CMIP: variants seen among roughly 807,000 people sequenced by gnomAD.
CMIP encodes C-Maf-inducing protein.
Under a neutral mutation model 97.3 loss-of-function variants are expected in CMIP, and 13 were observed. The ratio of observed to expected loss-of-function variants is 0.13; its 90% CI spans 0.09 to 0.21. CMIP has a LOEUF of 0.21. Among genes scored for constraint, CMIP ranks in the 10% least tolerant of loss-of-function variants. The pLI is 1.00. For synonymous variants in CMIP, 538 were observed against 436.3 expected, an observed-to-expected ratio of 1.23 and a Z score of -2.91; for missense variants, 847 against 1,024.9, an observed-to-expected ratio of 0.83 and a Z score of 2.37.
At chr16:81,523,785 A>T (rs1306037636) in intron 1 of CMIP, among the ~76,000 whole-genome samples, 1 of 152,216 alleles carries the variant, frequency 6.6e-6, no homozygotes, top group African/African-American at 2.4e-5. Flanking sequence ...AGGTGAGCTG[A>T]GTCACCACCA....
At chr16:81,508,494 A>G (rs1007314402) in intron 1 of CMIP, among the ~76,000 whole-genome samples, 10 of 152,130 alleles carry the variant, frequency 6.6e-5, no homozygotes, top group African/African-American at 1.7e-4. Flanking sequence ...CCATAGCTCT[A>G]TTTGGTCATT....
intron 1 of CMIP, among the ~76,000 whole-genome samples, chr16:81,575,468 C>T (rs188439563): frequency 6.6e-6 from 1 of 152,242 alleles, no homozygotes; most frequent in Admixed American, 6.5e-5. Context: ...TGTCCCGAGT[C>T]GAGTCCGTAG....
At chr16:81,465,177 C>G (rs914019366) in intron 1 of CMIP, among the ~76,000 whole-genome samples, 1 of 152,154 alleles carries the variant, frequency 6.6e-6, no homozygotes, top group African/African-American at 2.4e-5. Flanking sequence ...CAGAAGAAAA[C>G]CAAATCCACC....
intron 10 of CMIP, among the ~76,000 whole-genome samples, chr16:81,689,235 T>C (rs911298928): frequency 6.6e-5 from 10 of 152,264 alleles, no homozygotes; most frequent in Admixed American, 4.6e-4. Flanking sequence ...ATCTCCACAC[T>C]GTCTTCCACA....
chr16:81,495,951 C>CCCCAGCTCG (rs2089482651), intron 1 of CMIP, among the ~76,000 whole-genome samples: 1 of 152,208 alleles, frequency 6.6e-6, no homozygotes, highest in Non-Finnish European at 1.5e-5. Flanking sequence ...CCCCCAGCTC[C>CCCCAGCTCG]GAGACTTGCA....
At chr16:81,446,925 A>AT (rs1284606533) in intron 1 of CMIP, among the ~76,000 whole-genome samples, 1 of 143,926 alleles carries the variant, frequency 6.9e-6, no homozygotes, top group East Asian at 2.1e-4. Context: ...TAGAGCACCT[A>AT]TTTTCTCTTT....
intron 14 of CMIP, among the ~76,000 whole-genome samples, chr16:81,698,686 C>G (rs957374986): frequency 6.6e-6 from 1 of 152,168 alleles, no homozygotes; most frequent in East Asian, 1.9e-4. Context: ...TGTTGTAACA[C>G]AACCATCACC....
intron 1 of CMIP, among the ~76,000 whole-genome samples, chr16:81,477,192 G>A (rs758943877): frequency 3.3e-5 from 5 of 152,010 alleles, no homozygotes; most frequent in Non-Finnish European, 7.4e-5. Context: ...ATCTTGCTGT[G>A]TTGCCCAGGC....
At chr16:81,702,343 C>T (rs1411481454) in intron 16 of CMIP, among the ~76,000 whole-genome samples, 1 of 152,076 alleles carries the variant, frequency 6.6e-6, no homozygotes, top group African/African-American at 2.4e-5. Context: ...GGTGCCAGTA[C>T]CCACCCAGTG....
chr16:81,691,716 C>T, intron 10 of CMIP, 59 bp from the exon 11 acceptor site: 2 of 1,473,308 alleles, frequency 1.4e-6, no homozygotes, highest in Non-Finnish European at 1.9e-6. Flanking sequence ...GGACCAAAAA[C>T]AGTGCCATAA....
At chr16:81,525,746 C>T (rs1026380157) in intron 1 of CMIP, among the ~76,000 whole-genome samples, 6 of 152,186 alleles carry the variant, frequency 3.9e-5, no homozygotes, top group Non-Finnish European at 7.3e-5. Context: ...ACTGAAACTC[C>T]GTCCTCATTA....
intron 1 of CMIP, among the ~76,000 whole-genome samples, chr16:81,510,857 C>G (rs1050061397): frequency 6.6e-6 from 1 of 152,078 alleles, no homozygotes; most frequent in Non-Finnish European, 1.5e-5. Flanking sequence ...GTAGCTGGGA[C>G]TACAGGTGCA....
At chr16:81,467,883 C>CTTT (rs754844403) in intron 1 of CMIP, among the ~76,000 whole-genome samples, 46 of 113,412 alleles carry the variant, frequency 4.1e-4, no homozygotes, top group African/African-American at 5.6e-4. Context: ...GCCTGGCCTT[C>CTTT]TTTTTTTTTT....
intron 1 of CMIP, among the ~76,000 whole-genome samples, chr16:81,501,459 G>A (rs565714851): frequency 2.0e-5 from 3 of 152,002 alleles, no homozygotes; most frequent in African/African-American, 7.3e-5. Flanking sequence ...GACTTATAAG[G>A]TTACGCTATT....
At chr16:81,563,068 C>T (rs946669920) in intron 1 of CMIP, among the ~76,000 whole-genome samples, 2 of 152,210 alleles carry the variant, frequency 1.3e-5, no homozygotes, top group Non-Finnish European at 2.9e-5. Flanking sequence ...GGCGCTGACC[C>T]GCCAGAGGAA....
At position 81,616,010 on chromosome 16, in the gene CMIP, CA is replaced by C. The variant is rs1189833769; in HGVS notation, c.427-4865del. ...AGCTTTCCTTCTCGTCGCACTGGGG[CA>C]GAAGGAGCCGGGCGCGGTGGGTGGG... On this transcript the variant is annotated intron_variant, in intron 2 of 20. Transcript: ENST00000537098. This position sits in a 1 kb window ranked among gnomAD's most constrained non-coding sequence, Gnocchi z 4.7. Among the ~76,000 whole-genome samples the C allele has an allele frequency of 6.6e-6, 1 of 151,864 alleles. No homozygotes were observed. Among genetic ancestry groups the C allele is most frequent in the Non-Finnish European group, 1.5e-5 (1 of 67,954 alleles).
chr16:81,511,627 C>T (rs758616755), intron 1 of CMIP, among the ~76,000 whole-genome samples: 5 of 152,314 alleles, frequency 3.3e-5, no homozygotes, highest in South Asian at 2.1e-4. Context: ...GTTGCATGAT[C>T]GTGGCTCACT....
At chr16:81,449,206 A>G (rs1445415449) in intron 1 of CMIP, among the ~76,000 whole-genome samples, 1 of 152,240 alleles carries the variant, frequency 6.6e-6, no homozygotes, top group East Asian at 1.9e-4. Flanking sequence ...CCACTCAGAA[A>G]GTCCTTTATT....
At chr16:81,638,319 C>T (rs971350366) in intron 3 of CMIP, among the ~76,000 whole-genome samples, 1 of 152,214 alleles carries the variant, frequency 6.6e-6, no homozygotes, top group Non-Finnish European at 1.5e-5. Context: ...CACCAGTCAC[C>T]TCATGACCCA....
Sources: gnomAD v4.1 joint callset for allele counts (sites outside exome capture counted in the v4.1 genomes callset) on GRCh38, gnomAD v4.1.1 for gene constraint, Gnocchi (gnomAD v3.1) non-coding constraint, MANE v1.5 for transcripts, NCBI Gene and HGNC (gene_info 2026-07-23, HGNC 2026-07-21) for gene names.